The following CNOT10 variants were observed in gnomAD, a reference collection of about 807,000 sequenced individuals.
The protein encoded by CNOT10 is CCR4-NOT transcription complex, subunit 10.
In CNOT10, 30 loss-of-function variants were observed where a neutral mutation model predicts 94.6. That is an observed-to-expected ratio of 0.32 (90% CI 0.24 to 0.43). CNOT10 has a LOEUF of 0.43. Among genes scored for constraint, CNOT10 ranks in the 20% least tolerant of loss-of-function variants. The pLI, the probability that CNOT10 is intolerant of heterozygous loss-of-function variation, is 1.00. For synonymous variants in CNOT10, 289 were observed against 301.6 expected (o/e 0.96, Z 0.43); for missense variants, 759 against 877.2 (o/e 0.87, Z 1.70).
chr3:32,755,319 C>CTT (rs777391696), intron 13 of CNOT10, among the ~76,000 whole-genome samples: 46 of 131,186 alleles, frequency 3.5e-4, no homozygotes, highest in African/African-American at 8.4e-4. Flanking sequence ...TTTTCTTTTT[C>CTT]TTTTTTTTTT....
rs181532134 is a variant in CNOT10 at position 32,741,716 on chromosome 3, C to T, written c.1595+4226C>T. Among the ~76,000 whole-genome samples, 967 of 151,006 alleles carry T rather than the reference C, an allele frequency of 6.4e-3. 5 individuals are homozygous for T. Among genetic ancestry groups the T allele is most frequent in the African/African-American group, 0.02 (811 of 41,086 alleles). On this transcript the variant is annotated intron_variant, in intron 13 of 18. Transcript: ENST00000328834. ...CCCAGGAGGCAGAGGTTGTGGTGAGCCGAAATCGTGCCACTGCCCCCCAGC... is the reference window on the plus strand; with the variant it reads ...CCCAGGAGGCAGAGGTTGTGGTGAGTCGAAATCGTGCCACTGCCCCCCAGC...
At chr3:32,738,465 CTTT>C (rs367907658) in intron 13 of CNOT10, among the ~76,000 whole-genome samples, 2 of 141,748 alleles carry the variant, frequency 1.4e-5, no homozygotes, top group Non-Finnish European at 3.1e-5. Context: ...TTTTATATTT[CTTT>C]TTTTTTTTTT....
At chr3:32,692,405 G>A (rs1234341106) in intron 1 of CNOT10, among the ~76,000 whole-genome samples, 1 of 152,128 alleles carries the variant, frequency 6.6e-6, no homozygotes, top group Non-Finnish European at 1.5e-5. Context: ...TTTATCTCCT[G>A]TATTTTCTTA....
At chr3:32,722,494 G>C (rs1279006876) in intron 8 of CNOT10, among the ~76,000 whole-genome samples, 1 of 152,192 alleles carries the variant, frequency 6.6e-6, no homozygotes, top group African/African-American at 2.4e-5. Context: ...TCTTCATGTA[G>C]GTGTCAGTAT....
chr3:32,696,330 A>AAG (rs1491074932), intron 1 of CNOT10, among the ~76,000 whole-genome samples: 2 of 141,214 alleles, frequency 1.4e-5, no homozygotes, highest in African/African-American at 5.6e-5. Flanking sequence ...AAAAAAAAGA[A>AAG]GAAGAAGAAG....
At chr3:32,688,592 A>G (rs1338705618) in intron 1 of CNOT10, among the ~76,000 whole-genome samples, 2 of 151,696 alleles carry the variant, frequency 1.3e-5, no homozygotes, top group Non-Finnish European at 2.9e-5. Flanking sequence ...GTGAGATTCC[A>G]TCTCAAAAAA....
At chr3:32,688,931 C>A (rs1696737568) in intron 1 of CNOT10, among the ~76,000 whole-genome samples, 1 of 151,956 alleles carries the variant, frequency 6.6e-6, no homozygotes, top group Admixed American at 6.6e-5. Flanking sequence ...AAAGGCCGGA[C>A]GTGGTGGCTC....
chr3:32,708,362 G>C (rs927597101), intron 3 of CNOT10, among the ~76,000 whole-genome samples: 3 of 152,092 alleles, frequency 2.0e-5, no homozygotes. Context: ...ACTCAGAAGT[G>C]GTGTTACCAA....
chr3:32,764,351 G>A (rs7430248), intron 15 of CNOT10, 104 bp from the exon 16 acceptor site: 37,648 of 1,048,504 alleles, frequency 0.036, 735 homozygotes, highest in Middle Eastern at 0.066. Flanking sequence ...AAAAAAAAAA[G>A]AAAAGAAAAG....
At chr3:32,748,088 G>T (rs1322991639) in intron 13 of CNOT10, among the ~76,000 whole-genome samples, 2 of 152,192 alleles carry the variant, frequency 1.3e-5, no homozygotes, top group African/African-American at 2.4e-5. Context: ...AAACTCCTAG[G>T]CTGAAGCAGT....
At chr3:32,751,970 G>A (rs1344082702) in intron 13 of CNOT10, among the ~76,000 whole-genome samples, 1 of 152,124 alleles carries the variant, frequency 6.6e-6, no homozygotes, top group African/African-American at 2.4e-5. Flanking sequence ...ATGAACTGGT[G>A]ATCAGATTGA....
intron 1 of CNOT10, among the ~76,000 whole-genome samples, chr3:32,688,814 C>G (rs1696730363): frequency 6.6e-6 from 1 of 152,050 alleles, no homozygotes; most frequent in Non-Finnish European, 1.5e-5. Flanking sequence ...CCTAGGGAGG[C>G]TGAGGTGGGA....
chr3:32,695,322 CCTT>C (rs1434944223), intron 1 of CNOT10, among the ~76,000 whole-genome samples: 1 of 151,868 alleles, frequency 6.6e-6, no homozygotes, highest in Non-Finnish European at 1.5e-5. Context: ...GAAGTGGCAT[CCTT>C]CTTAAGATTT....
At chr3:32,691,753 A>G (rs1696857563) in intron 1 of CNOT10, among the ~76,000 whole-genome samples, 1 of 152,234 alleles carries the variant, frequency 6.6e-6, no homozygotes, top group Non-Finnish European at 1.5e-5. Context: ...TCATGTTTTA[A>G]TATATTAAAA....
chr3:32,764,991 AC>A, intron 17 of CNOT10, 182 bp downstream of exon 17: 2 of 1,519,112 alleles, frequency 1.3e-6, no homozygotes, highest in South Asian at 2.4e-5. Flanking sequence ...ATGAACCTAG[AC>A]ACTTAAAGGA....
intron 9 of CNOT10, among the ~76,000 whole-genome samples, chr3:32,726,977 G>C (rs1698700694): frequency 6.6e-6 from 1 of 151,098 alleles, no homozygotes; most frequent in Non-Finnish European, 1.5e-5. Flanking sequence ...CTCCCGAGTA[G>C]CTGGGACTAC....
At chr3:32,746,664 G>A (rs141325965) in intron 13 of CNOT10, among the ~76,000 whole-genome samples, 2,972 of 151,940 alleles carry the variant, frequency 0.02, 50 homozygotes, top group East Asian at 0.047. Flanking sequence ...GTGAAACCCC[G>A]TCTCTACTAA....
chr3:32,699,247 G>T (rs1175639993), intron 1 of CNOT10, among the ~76,000 whole-genome samples: 1 of 152,058 alleles, frequency 6.6e-6, no homozygotes, highest in African/African-American at 2.4e-5. Flanking sequence ...ATAAAACATG[G>T]GATTCAGTTG....
intron 13 of CNOT10, among the ~76,000 whole-genome samples, chr3:32,739,405 T>C (rs900612141): frequency 6.6e-6 from 1 of 152,230 alleles, no homozygotes; most frequent in Non-Finnish European, 1.5e-5. Flanking sequence ...TAACTTCTTA[T>C]GCTGGTCACT....
Sources: gnomAD v4.1 joint callset for allele counts (sites outside exome capture counted in the v4.1 genomes callset) on GRCh38, gnomAD v4.1.1 for gene constraint, MANE v1.5 for transcripts, NCBI Gene and HGNC (gene_info 2026-07-23, HGNC 2026-07-21) for gene names.